Variants in RPH3A observed in about 807,000 individuals in gnomAD.
The protein encoded by RPH3A is rabphilin-3A.
RPH3A carries 48 observed loss-of-function variants against 102.2 expected under a neutral mutation model. The ratio of observed to expected loss-of-function variants is 0.47; its 90% CI spans 0.37 to 0.60. The LOEUF (loss-of-function observed/expected upper bound fraction) is 0.60, where lower values mean the gene tolerates loss of function less well. Ranked by LOEUF, RPH3A falls within the 20% of genes least tolerant of loss-of-function variation. The pLI, the probability that RPH3A is intolerant of heterozygous loss-of-function variation, is 0.00. For synonymous variants in RPH3A, 310 were observed against 324.3 expected, an observed-to-expected ratio of 0.96 and a Z score of 0.47; for missense variants, 781 against 910.1, an observed-to-expected ratio of 0.86 and a Z score of 1.83.
chr12:112,730,684 G>C (rs1287340500), intron 1 of RPH3A, among the ~76,000 whole-genome samples: 5 of 152,168 alleles, frequency 3.3e-5, no homozygotes, highest in Admixed American at 3.3e-4. Flanking sequence ...CCCCCAAGTG[G>C]TGACATGGGG....
intron 1 of RPH3A, among the ~76,000 whole-genome samples, chr12:112,658,455 G>T (rs1442990686): frequency 6.6e-6 from 1 of 152,252 alleles, no homozygotes; most frequent in Non-Finnish European, 1.5e-5. Flanking sequence ...GGGATTGCAG[G>T]TGTGAGCTAT....
At chr12:112,868,325 TCA>T in intron 7 of RPH3A, 103 bp from the exon 8 acceptor site, 7 of 1,122,422 alleles carry the variant, frequency 6.2e-6, no homozygotes, top group Non-Finnish European at 9.0e-6. Flanking sequence ...GGCTATTGTG[TCA>T]GTGTGCTTTG....
chr12:112,836,536 T>A, intron 4 of RPH3A, 34 bp downstream of exon 4: 1 of 1,140,314 alleles, frequency 8.8e-7, no homozygotes, highest in Non-Finnish European at 1.2e-6. Context: ...TATTTATTTT[T>A]TACAAACTGT....
intron 1 of RPH3A, among the ~76,000 whole-genome samples, chr12:112,637,166 C>T (rs560189722): frequency 6.6e-6 from 1 of 152,200 alleles, no homozygotes; most frequent in African/African-American, 2.4e-5. Flanking sequence ...TCCTCCAAAC[C>T]AATATACTGT....
chr12:112,659,210 T>C (rs903218928), intron 1 of RPH3A, among the ~76,000 whole-genome samples: 15 of 152,140 alleles, frequency 9.9e-5, no homozygotes, highest in African/African-American at 3.6e-4. Context: ...AACCAAGAAA[T>C]GAACGTGAAT....
intron 1 of RPH3A, among the ~76,000 whole-genome samples, chr12:112,768,939 A>C (rs2040910129): frequency 6.6e-6 from 1 of 152,152 alleles, no homozygotes; most frequent in African/African-American, 2.4e-5. Flanking sequence ...TATATGAAAA[A>C]CAAAAAAACC....
At chr12:112,649,350 A>G (rs1429942984) in intron 1 of RPH3A, 2 of 152,208 alleles carry the variant, frequency 1.3e-5, no homozygotes, top group Non-Finnish European at 2.9e-5. Flanking sequence ...GTGAGAATTT[A>G]TGACTCTTGG....
chr12:112,810,992 TAAAG>T (rs1417733158), intron 2 of RPH3A, among the ~76,000 whole-genome samples: 5 of 151,942 alleles, frequency 3.3e-5, no homozygotes, highest in South Asian at 2.1e-4. Context: ...TGTGTATAGA[TAAAG>T]AGAGAGCGAG....
At chr12:112,784,442 C>T (rs1161314921) in intron 1 of RPH3A, among the ~76,000 whole-genome samples, 1 of 152,204 alleles carries the variant, frequency 6.6e-6, no homozygotes, top group Non-Finnish European at 1.5e-5. Flanking sequence ...CTTGAAGATA[C>T]AGGGTTCCTT....
chr12:112,894,797 T>C, intron 20 of RPH3A, 138 bp downstream of exon 20: 1 of 770,436 alleles, frequency 1.3e-6, no homozygotes, highest in Non-Finnish European at 2.0e-6. Flanking sequence ...TAGAAAAATA[T>C]TTGAAAAATA....
intron 1 of RPH3A, chr12:112,695,231 G>A (rs139279025): frequency 2.0e-4 from 33 of 168,478 alleles, no homozygotes; most frequent in African/African-American, 7.7e-4. Flanking sequence ...GATCAGAGAT[G>A]TATAGACTTA....
At chr12:112,707,739 T>A (rs575707348) in intron 1 of RPH3A, among the ~76,000 whole-genome samples, 1 of 152,370 alleles carries the variant, frequency 6.6e-6, no homozygotes, top group East Asian at 1.9e-4. Context: ...ATTTTATATT[T>A]ATCAAGAAGT....
intron 1 of RPH3A, among the ~76,000 whole-genome samples, chr12:112,583,369 T>C (rs1054881488): frequency 5.9e-5 from 9 of 152,306 alleles, no homozygotes; most frequent in Non-Finnish European, 8.8e-5. Flanking sequence ...AGTTCTTTTC[T>C]CAAGGTCAGA....
chr12:112,840,087 T>C (rs1565912065), intron 4 of RPH3A, among the ~76,000 whole-genome samples: 1 of 152,238 alleles, frequency 6.6e-6, no homozygotes, highest in Non-Finnish European at 1.5e-5. Context: ...AGTGAAATAT[T>C]AGGGACATCC....
At chr12:112,591,492 C>T (rs1238322229) in intron 1 of RPH3A, 1 of 152,184 alleles carries the variant, frequency 6.6e-6, no homozygotes, top group Non-Finnish European at 1.5e-5. Flanking sequence ...AGTTGGAGAC[C>T]TCTGGTGAGT....
chr12:112,770,070 T>G (rs2040917497), intron 1 of RPH3A, among the ~76,000 whole-genome samples: 1 of 152,228 alleles, frequency 6.6e-6, no homozygotes, highest in Non-Finnish European at 1.5e-5. Context: ...TCTTTCCACA[T>G]TAATACATAT....
intron 1 of RPH3A, among the ~76,000 whole-genome samples, chr12:112,647,936 C>G (rs1193902390): frequency 6.6e-6 from 1 of 152,146 alleles, no homozygotes; most frequent in African/African-American, 2.4e-5. Flanking sequence ...TGTTATTATT[C>G]TTGCTACTAG....
At chr12:112,837,834 C>T in intron 4 of RPH3A, 1 of 455,794 alleles carries the variant, frequency 2.2e-6, no homozygotes, top group South Asian at 1.5e-5. Flanking sequence ...CTCTTCCCCT[C>T]TGTCCTTCAT....
Position 112,587,784 on chromosome 12 carries a change from G to A in RPH3A, c.-140+12465G>A, listed in dbSNP as rs146526703. Among the ~76,000 whole-genome samples, 4 of 152,264 alleles carry A rather than the reference G, an allele frequency of 2.6e-5. No individual in the cohort carries two copies. In the East Asian group the frequency reaches 7.7e-4, roughly 29 times the overall value. On this transcript the variant is annotated intron_variant, in intron 1 of 21. Coordinates refer to the RPH3A transcript ENST00000543106. ...GGAACTAGAGCTGTGTTTAGTGCAC[G>A]GAAAATTTACGGCACATCTGTTGAA...
Sources: gnomAD v4.1 joint callset for allele counts (sites outside exome capture counted in the v4.1 genomes callset) on GRCh38, gnomAD v4.1.1 for gene constraint, MANE v1.5 for transcripts, NCBI Gene and HGNC (gene_info 2026-07-23, HGNC 2026-07-21) for gene names.